The following PACRG variants were observed in gnomAD, a reference collection of about 807,000 sequenced individuals.
The protein encoded by PACRG is parkin coregulated.
PACRG carries 29 observed loss-of-function variants against 29.7 expected under a neutral mutation model. That is an observed-to-expected ratio of 0.98 (90% confidence interval 0.73 to 1.33). The LOEUF is 1.33. PACRG is among the 40% of genes most tolerant of loss of function. PACRG has a pLI of 0.00. For missense variants in PACRG, 279 were observed against 316.2 expected (o/e 0.88, Z 0.89); for synonymous variants, 116 against 118.7 (o/e 0.98, Z 0.15).
chr6:162,820,948 G>A (rs1414595573), intron 2 of PACRG, among the ~76,000 whole-genome samples: 1 of 151,886 alleles, frequency 6.6e-6, no homozygotes, highest in Non-Finnish European at 1.5e-5. Context: ...AATAGACAGA[G>A]CTTATTCCAG....
At chr6:162,863,673 T>A (rs535922277) in intron 2 of PACRG, among the ~76,000 whole-genome samples, 4 of 152,212 alleles carry the variant, frequency 2.6e-5, no homozygotes, top group African/African-American at 9.7e-5. Context: ...CTTTCATATG[T>A]GTTATTTCAT....
intron 3 of PACRG, among the ~76,000 whole-genome samples, chr6:163,079,959 G>A (rs369647921): frequency 6.3e-4 from 90 of 143,730 alleles, no homozygotes; most frequent in African/African-American, 1.9e-3. Context: ...GTGCAGTGGC[G>A]CGGTCTCGGC....
At chr6:163,053,230 A>T (rs1030604702) in intron 2 of PACRG, among the ~76,000 whole-genome samples, 1 of 152,198 alleles carries the variant, frequency 6.6e-6, no homozygotes, top group Non-Finnish European at 1.5e-5. Context: ...AATCTAAATT[A>T]ACAAAAGGAG....
At chr6:163,046,267 C>T (rs1166263097) in intron 2 of PACRG, among the ~76,000 whole-genome samples, 1 of 151,200 alleles carries the variant, frequency 6.6e-6, no homozygotes, top group Non-Finnish European at 1.5e-5. Context: ...GAAACATTTT[C>T]CTGACTCCAG....
rs905034242 is a variant in PACRG at position 162,753,731 on chromosome 6, ACT to A, written c.156+25353_156+25354del. Reference sequence around the variant, plus strand: ...GGCTTAAAAGTGTGTAGCTTTTTTCACTCTCTCTCTCTCTGTCTCTTTCCTGC... The same window carrying A: ...GGCTTAAAAGTGTGTAGCTTTTTTCACTCTCTCTCTCTGTCTCTTTCCTGC... On this transcript the variant is annotated intron_variant, in intron 1 of 4. Transcript: ENST00000366888. Among the ~76,000 whole-genome samples the A allele has an allele frequency of 1.1e-4, 17 of 149,746 alleles. No homozygotes were observed. In the South Asian group the frequency reaches 2.1e-3, roughly 19 times the overall value.
At chr6:163,283,376 A>G (rs1784282672) in intron 4 of PACRG, among the ~76,000 whole-genome samples, 1 of 152,254 alleles carries the variant, frequency 6.6e-6, no homozygotes, top group Non-Finnish European at 1.5e-5. Context: ...ATATATCCAA[A>G]AAGATTGGAA....
intron 2 of PACRG, among the ~76,000 whole-genome samples, chr6:163,009,497 A>G (rs1022986430): frequency 6.6e-6 from 1 of 152,228 alleles, no homozygotes; most frequent in Non-Finnish European, 1.5e-5. Context: ...TTCAATAGCA[A>G]TAAAGACAAT....
chr6:163,130,047 A>G (rs967650842), intron 4 of PACRG, among the ~76,000 whole-genome samples: 61 of 152,340 alleles, frequency 4.0e-4, no homozygotes, highest in African/African-American at 1.3e-3. Flanking sequence ...CTGGGGACAT[A>G]GTGGGACAAA....
At chr6:163,215,402 G>A (rs920054491) in intron 4 of PACRG, among the ~76,000 whole-genome samples, 19 of 152,140 alleles carry the variant, frequency 1.2e-4, no homozygotes, top group African/African-American at 3.9e-4. Context: ...AGCATGCATT[G>A]TTATATTGTT....
chr6:163,198,908 A>T (rs544366592), intron 4 of PACRG, among the ~76,000 whole-genome samples: 1 of 152,326 alleles, frequency 6.6e-6, no homozygotes, highest in South Asian at 2.1e-4. Context: ...CTGAAAAGGC[A>T]GGACAACTTG....
chr6:162,844,199 C>T (rs1168857682), intron 2 of PACRG, among the ~76,000 whole-genome samples: 16 of 151,114 alleles, frequency 1.1e-4, no homozygotes, highest in East Asian at 3.9e-4. Context: ...CCCCCAGCCT[C>T]GCTGCCGCCT....
chr6:163,203,893 A>C (rs2128150925), intron 4 of PACRG, among the ~76,000 whole-genome samples: 1 of 152,320 alleles, frequency 6.6e-6, no homozygotes, highest in Admixed American at 6.5e-5. Context: ...TGTTCCACAA[A>C]TCATATTGGG....
At chr6:162,962,114 C>G (rs1800670274) in intron 2 of PACRG, among the ~76,000 whole-genome samples, 1 of 152,126 alleles carries the variant, frequency 6.6e-6, no homozygotes, top group Non-Finnish European at 1.5e-5. Flanking sequence ...TCTCTGAACC[C>G]TTTTCTGGCC....
intron 2 of PACRG, among the ~76,000 whole-genome samples, chr6:162,883,028 T>C (rs1794031672): frequency 6.6e-6 from 1 of 152,228 alleles, no homozygotes; most frequent in East Asian, 1.9e-4. Context: ...TTCCACTCCC[T>C]GTTGCATCAT....
At chr6:163,197,438 T>TCTTTTCTTTTC (rs1386673428) in intron 4 of PACRG, among the ~76,000 whole-genome samples, 17 of 107,828 alleles carry the variant, frequency 1.6e-4, no homozygotes, top group African/African-American at 6.1e-4. Flanking sequence ...TCTTTTCTTT[T>TCTTTTCTTTTC]TTTTTTTTTT....
chr6:163,073,312 G>A (rs1812247661), intron 3 of PACRG, among the ~76,000 whole-genome samples: 1 of 152,088 alleles, frequency 6.6e-6, no homozygotes, highest in African/African-American at 2.4e-5. Flanking sequence ...TTTTGACAAA[G>A]GTGCCAAGAA....
At chr6:162,889,004 A>G (rs956278234) in intron 2 of PACRG, among the ~76,000 whole-genome samples, 19 of 152,222 alleles carry the variant, frequency 1.2e-4, no homozygotes, top group African/African-American at 4.3e-4. Context: ...TTCTGGCATT[A>G]GGCTCAATCC....
intron 2 of PACRG, among the ~76,000 whole-genome samples, chr6:162,904,406 G>C (rs1338547240): frequency 2.0e-5 from 3 of 152,192 alleles, no homozygotes; most frequent in African/African-American, 7.2e-5. Flanking sequence ...AACAGCCCCT[G>C]CTGGTTGAAG....
intron 2 of PACRG, among the ~76,000 whole-genome samples, chr6:163,014,224 TATGTA>T: frequency 6.6e-6 from 1 of 152,346 alleles, no homozygotes; most frequent in African/African-American, 2.4e-5. Flanking sequence ...CTATGGTGTA[TATGTA>T]CCACATTTTC....
Sources: allele counts gnomAD v4.1 joint callset (sites outside exome capture counted in the v4.1 genomes callset), GRCh38; gene constraint gnomAD v4.1.1; transcripts MANE v1.5; gene names NCBI Gene and HGNC (gene_info 2026-07-23, HGNC 2026-07-21).